The following PHF20 variants were observed in gnomAD, a reference collection of about 807,000 sequenced individuals.
The protein encoded by PHF20 is glioma-expressed antigen 2.
PHF20 carries 23 observed loss-of-function variants against 113.5 expected under a neutral mutation model. The ratio of observed to expected loss-of-function variants is 0.20; its 90% CI spans 0.15 to 0.29. The LOEUF (loss-of-function observed/expected upper bound fraction) is 0.29, where lower values mean the gene tolerates loss of function less well. Ranked by LOEUF, PHF20 falls within the 10% of genes least tolerant of loss-of-function variation. The pLI is 1.00. For synonymous variants in PHF20, 434 were observed against 457.3 expected (o/e 0.95, Z 0.65); for missense variants, 943 against 1,219.6 (o/e 0.77, Z 3.38).
intron 9 of PHF20, among the ~76,000 whole-genome samples, chr20:35,894,134 A>G (rs913426908): frequency 6.6e-6 from 1 of 152,226 alleles, no homozygotes; most frequent in Non-Finnish European, 1.5e-5. Flanking sequence ...CACTTTCAGG[A>G]GGACGTAGAC....
chr20:35,858,228 G>A, intron 4 of PHF20, 74 bp from the exon 5 acceptor site: 1 of 774,144 alleles, frequency 1.3e-6, no homozygotes, highest in South Asian at 1.5e-5. Context: ...GAGATCCCTT[G>A]TGTTTATACT....
intron 9 of PHF20, among the ~76,000 whole-genome samples, chr20:35,893,429 A>C (rs576828985): frequency 6.6e-6 from 1 of 151,422 alleles, no homozygotes; most frequent in East Asian, 2.0e-4. Context: ...TCAGCCTCCC[A>C]GGTAGCTGGG....
intron 9 of PHF20, chr20:35,878,739 G>A (rs746123109): frequency 8.0e-6 from 6 of 752,240 alleles, no homozygotes; most frequent in Admixed American, 7.4e-5. Flanking sequence ...CTTAGAAGAA[G>A]AGACGCTGTC....
At chr20:35,830,183 G>C (rs1198274292) in intron 2 of PHF20, among the ~76,000 whole-genome samples, 4 of 152,146 alleles carry the variant, frequency 2.6e-5, no homozygotes, top group Admixed American at 2.6e-4. Flanking sequence ...CAGAGTGCTG[G>C]GATTACAGGT....
intron 13 of PHF20, among the ~76,000 whole-genome samples, chr20:35,924,900 C>A (rs1435880966): frequency 2.0e-5 from 3 of 151,938 alleles, no homozygotes. Context: ...TGCGCCTGGC[C>A]CATTTTTCTT....
chr20:35,774,275 G>C (rs2041127870), intron 1 of PHF20, among the ~76,000 whole-genome samples: 1 of 151,910 alleles, frequency 6.6e-6, no homozygotes. Context: ...AGTAGAGACG[G>C]GGTTTCACTG....
chr20:35,897,172 T>G (rs1453682748), intron 9 of PHF20, among the ~76,000 whole-genome samples: 1 of 152,168 alleles, frequency 6.6e-6, no homozygotes, highest in Non-Finnish European at 1.5e-5. Context: ...TAGCTGGGAC[T>G]ATAGGCACAT....
intron 2 of PHF20, among the ~76,000 whole-genome samples, chr20:35,820,338 A>G (rs2042146128): frequency 6.6e-6 from 1 of 152,132 alleles, no homozygotes; most frequent in Non-Finnish European, 1.5e-5. Context: ...ATAGTCCCTG[A>G]TCTTTAGAAG....
rs185044591 is a variant in PHF20 at position 35,948,229 on chromosome 20, A to T, written c.*602A>T. On this transcript the variant is annotated 3_prime_UTR_variant, in exon 18 of 18. Transcript: ENST00000374012. Reference sequence around the variant, plus strand: ...TTCATGGTACTGGGGACAAGTTTGTATGCCTTCACCCCAGAGCTGGCTGGG... The same window carrying T: ...TTCATGGTACTGGGGACAAGTTTGTTTGCCTTCACCCCAGAGCTGGCTGGG... 3.3e-5 allele frequency: 5 copies of T among 152,780 alleles called. No homozygotes were observed. Among genetic ancestry groups the T allele is most frequent in the African/African-American group, 1.2e-4 (5 of 41,442 alleles). 9.5% of individuals were successfully genotyped at this position (152,780 alleles called of 1,614,324 possible). A position where few individuals can be genotyped will look rare whatever the true frequency, so the allele number is the denominator to read the frequency against.
At chr20:35,800,867 GT>G (rs1446058527) in intron 1 of PHF20, among the ~76,000 whole-genome samples, 1 of 151,824 alleles carries the variant, frequency 6.6e-6, no homozygotes, top group African/African-American at 2.4e-5. Flanking sequence ...AATTTTTTTT[GT>G]TTTTAAGAGA....
intron 2 of PHF20, among the ~76,000 whole-genome samples, chr20:35,806,566 T>C (rs1053617879): frequency 2.0e-5 from 3 of 152,152 alleles, no homozygotes; most frequent in African/African-American, 7.2e-5. Context: ...TCCAATATCA[T>C]GTTTAGAATA....
intron 9 of PHF20, among the ~76,000 whole-genome samples, chr20:35,889,750 C>T (rs1049167745): frequency 6.6e-6 from 1 of 151,840 alleles, no homozygotes; most frequent in African/African-American, 2.4e-5. Flanking sequence ...ATTTTTGAGA[C>T]AGGGTCTCAC....
intron 9 of PHF20, among the ~76,000 whole-genome samples, chr20:35,885,816 G>C (rs1297715923): frequency 6.6e-6 from 1 of 152,040 alleles, no homozygotes; most frequent in Non-Finnish European, 1.5e-5. Context: ...TCTTGTGAGA[G>C]AAACATTGAG....
intron 2 of PHF20, chr20:35,802,092 A>G (rs2041790886): frequency 6.5e-6 from 1 of 153,420 alleles, no homozygotes; most frequent in South Asian, 2.0e-4. Flanking sequence ...CTGAGGGGTT[A>G]TAGTCCCAGC....
chr20:35,917,134 T>C, intron 12 of PHF20: 1 of 380,078 alleles, frequency 2.6e-6, no homozygotes. Flanking sequence ...CTGGATGGAG[T>C]GAGGCTGAAG....
chr20:35,927,166 G>A (rs2055656957), intron 13 of PHF20, among the ~76,000 whole-genome samples: 1 of 152,212 alleles, frequency 6.6e-6, no homozygotes, highest in African/African-American at 2.4e-5. Flanking sequence ...GTCAGGTTAT[G>A]TTCTTATCCA....
At chr20:35,782,818 A>G (rs1028583403) in intron 1 of PHF20, among the ~76,000 whole-genome samples, 2 of 152,166 alleles carry the variant, frequency 1.3e-5, no homozygotes, top group African/African-American at 2.4e-5. Flanking sequence ...AAGTATTATC[A>G]TAACTGTCTG....
intron 10 of PHF20, among the ~76,000 whole-genome samples, chr20:35,910,130 T>G (rs2055270654): frequency 6.6e-6 from 1 of 152,208 alleles, no homozygotes; most frequent in African/African-American, 2.4e-5. Context: ...CTGATATCCT[T>G]GAAAACATCA....
chr20:35,798,899 T>C (rs906347678), intron 1 of PHF20, among the ~76,000 whole-genome samples: 11 of 152,102 alleles, frequency 7.2e-5, no homozygotes, highest in African/African-American at 2.4e-4. Context: ...GTAGCTGGGA[T>C]TATAAGCCTG....
Sources: allele counts gnomAD v4.1 joint callset (sites outside exome capture counted in the v4.1 genomes callset), GRCh38; gene constraint gnomAD v4.1.1; transcripts MANE v1.5; gene names NCBI Gene and HGNC (gene_info 2026-07-23, HGNC 2026-07-21).